Variants in LNX1 observed in about 807,000 individuals in gnomAD.
LNX1 encodes the protein ligand of numb-protein X 1.
A neutral mutation model predicts 68.4 loss-of-function variants in LNX1; 54 were observed. The ratio of observed to expected loss-of-function variants is 0.79; its 90% CI spans 0.63 to 0.99. LNX1 has a LOEUF of 0.99. LNX1 is among the 50% of genes least tolerant of loss of function. LNX1 has a pLI of 0.00. For missense variants in LNX1, 906 were observed against 926.4 expected (o/e 0.98, Z 0.29); for synonymous variants, 336 against 350.0 (o/e 0.96, Z 0.45).
intron 2 of LNX1, among the ~76,000 whole-genome samples, chr4:53,530,141 A>G (rs1209384192): frequency 2.6e-5 from 4 of 152,234 alleles, no homozygotes; most frequent in Admixed American, 2.6e-4. Context: ...GGCCTAGCAA[A>G]TAATAGTTGT....
intron 9 of LNX1, among the ~76,000 whole-genome samples, chr4:53,462,436 G>A (rs1237336462): frequency 6.6e-6 from 1 of 152,046 alleles, no homozygotes; most frequent in Non-Finnish European, 1.5e-5. Flanking sequence ...GACCACATTT[G>A]TAGCTGTAGT....
intron 9 of LNX1, among the ~76,000 whole-genome samples, chr4:53,466,789 CCCG>C (rs912451793): frequency 6.6e-6 from 1 of 152,222 alleles, no homozygotes; most frequent in African/African-American, 2.4e-5. Context: ...GGGAGGGGCG[CCCG>C]CCATTGCCCA....
chr4:53,466,085 T>C (rs1722655031), intron 9 of LNX1, among the ~76,000 whole-genome samples: 1 of 152,180 alleles, frequency 6.6e-6, no homozygotes, highest in Admixed American at 6.5e-5. Context: ...GTTTTACTAC[T>C]TCACCAACAA....
upstream of LNX1, among the ~76,000 whole-genome samples, chr4:53,596,045 A>T (rs75487561): frequency 0.12 from 18,525 of 152,176 alleles, 1,271 homozygotes; most frequent in East Asian, 0.24. Flanking sequence ...ACATACCATC[A>T]TATTGGCCGT....
chr4:53,573,642 C>T lies in LNX1; in HGVS notation c.361G>A (p.Glu121Lys), dbSNP rs766999871. Residue 121 changes from glutamate to lysine, a missense_variant, in exon 2 of 11, where the codon GAG (glutamate) becomes AAG (lysine). Glu to Lys is a moderately conservative substitution (Grantham distance 56). Transcript: ENST00000263925. The stretch of plus-strand genomic sequence containing the variant: ...ACCTACCTGGTTTGAAAGTGATGCT[C>T]GAGGTCACAGCGCTGCAACACCTGG... ...CTQVLQRCDL[E>K]HHFQTSCKGA... The T allele has an allele frequency of 5.0e-6, 8 of 1,603,106 alleles. No individual in the cohort carries two copies. The East Asian group carries it at 9.0e-5, about 18-fold the overall frequency.
intron 2 of LNX1, among the ~76,000 whole-genome samples, chr4:53,552,838 A>AAG (rs2109705780): frequency 6.6e-6 from 1 of 151,816 alleles, no homozygotes; most frequent in Non-Finnish European, 1.5e-5. Context: ...CAAAAAAAAA[A>AAG]AAAAAAAGAC....
At chr4:53,612,452 T>A (rs116837952) in intron 2 of LNX1, among the ~76,000 whole-genome samples, 66 of 152,320 alleles carry the variant, frequency 4.3e-4, no homozygotes, top group African/African-American at 1.5e-3. Context: ...CTTTGTTTTG[T>A]TTTTGCAAAT....
At chr4:53,587,207 TCA>T (rs1408212355) in intron 1 of LNX1, among the ~76,000 whole-genome samples, 1 of 152,230 alleles carries the variant, frequency 6.6e-6, no homozygotes, top group Non-Finnish European at 1.5e-5. Context: ...TGTCCTCATG[TCA>T]CACAGAACAA....
At chr4:53,463,638 C>CAAA (rs1553929082) in intron 9 of LNX1, among the ~76,000 whole-genome samples, 8 of 151,324 alleles carry the variant, frequency 5.3e-5, no homozygotes, top group Non-Finnish European at 1.0e-4. Context: ...TTAGGCCTAT[C>CAAA]GAAGATTTGG....
At chr4:53,526,695 CA>C (rs1727634335) in intron 2 of LNX1, among the ~76,000 whole-genome samples, 3 of 151,802 alleles carry the variant, frequency 2.0e-5, no homozygotes, top group Non-Finnish European at 4.4e-5. Flanking sequence ...CTTCACAACC[CA>C]GCTTAAAGGC....
At chr4:53,622,594 G>T (rs1733925777) in intron 1 of LNX1, among the ~76,000 whole-genome samples, 1 of 151,984 alleles carries the variant, frequency 6.6e-6, no homozygotes, top group Non-Finnish European at 1.5e-5. Context: ...TTCCAAATTG[G>T]TATAAAAAAC....
chr4:53,533,053 C>T (rs1374952751), intron 2 of LNX1, among the ~76,000 whole-genome samples: 1 of 152,190 alleles, frequency 6.6e-6, no homozygotes, highest in Non-Finnish European at 1.5e-5. Context: ...CACATATGCT[C>T]CCTAGGTGCA....
rs774162598 is a variant in LNX1, at chr4:53,498,780, A to G, written c.839T>C (p.Val280Ala). 1.1e-5 allele frequency: 17 copies of G among 1,613,998 alleles called. No individual in the cohort carries two copies. Among genetic ancestry groups the G allele is most frequent in the Non-Finnish European group, 1.4e-5 (17 of 1,179,972 alleles). The change falls in exon 5 of 11, where the codon GTA (valine) becomes GCA (alanine). Residue 280 changes from valine (V) to alanine (A), a missense_variant. Physicochemically the swap from Val to Ala is moderately conservative, Grantham distance 64. Transcript: ENST00000263925. ...AATAGAGAGGCTTTCACTGGGATCT[A>G]CTCGATTGATCTTGATGCTGGTAAT... is the stretch of plus-strand genomic sequence containing the variant. ...GEITSIKINR[V>A]DPSESLSIRL...
At chr4:53,509,476 T>C (rs914540462) in intron 2 of LNX1, among the ~76,000 whole-genome samples, 2 of 152,214 alleles carry the variant, frequency 1.3e-5, no homozygotes, top group African/African-American at 4.8e-5. Context: ...GGTCCTATTG[T>C]CTAGATCTAA....
chr4:53,523,625 T>C (rs1727404591), intron 2 of LNX1, among the ~76,000 whole-genome samples: 1 of 152,202 alleles, frequency 6.6e-6, no homozygotes, highest in South Asian at 2.1e-4. Flanking sequence ...ACATCTCATG[T>C]GAAATCAGAT....
chr4:53,636,527 T>C (rs1278638445), intron 1 of LNX1, among the ~76,000 whole-genome samples: 2 of 152,164 alleles, frequency 1.3e-5, no homozygotes, highest in African/African-American at 4.8e-5. Flanking sequence ...CCTTCAAGTA[T>C]CAGGTCCTTG....
rs1491001617 is a variant in LNX1, at chr4:53,580,339, A to G, written c.-86-6251T>C. 5.9e-5 allele frequency among the ~76,000 whole-genome samples: 9 copies of G among 152,290 alleles called. No homozygotes were observed. In the South Asian group the frequency reaches 1.2e-3, roughly 21 times the overall value. On this transcript the variant is annotated intron_variant, in intron 1 of 10. Coordinates refer to ENST00000263925, the MANE Select transcript of LNX1 (RefSeq NM_001126328.3). ...GCGAGTAGCCTCGGGTTCAGTCAGT[A>G]TTTCTTTCACATCCAAATCTCTTCT...
chr4:53,484,283 A>G (rs571850579), intron 6 of LNX1, among the ~76,000 whole-genome samples: 1 of 152,280 alleles, frequency 6.6e-6, no homozygotes, highest in Admixed American at 6.5e-5. Context: ...ACTCTCAGGA[A>G]CTAGGACCTT....
chr4:53,593,169 G>T (rs1448995670), upstream of LNX1: 2 of 152,186 alleles, frequency 1.3e-5, no homozygotes, highest in Non-Finnish European at 2.9e-5. Context: ...CACGCCACTA[G>T]TTTGATAATT....
Sources: gnomAD v4.1 joint callset for allele counts (sites outside exome capture counted in the v4.1 genomes callset) on GRCh38, gnomAD v4.1.1 for gene constraint, MANE v1.5 for transcripts, NCBI Gene and HGNC (gene_info 2026-07-23, HGNC 2026-07-21) for gene names.